DLG2: variants seen among roughly 807,000 people sequenced by gnomAD.
DLG2 encodes the protein discs large MAGUK scaffold protein 2, also known as disks large homolog 2.
Under a neutral mutation model 132.5 loss-of-function variants are expected in DLG2, and 45 were observed. The ratio of observed to expected loss-of-function variants is 0.34; its 90% CI spans 0.27 to 0.44. The LOEUF (loss-of-function observed/expected upper bound fraction) is 0.44. Among genes scored for constraint, DLG2 ranks in the 20% least tolerant of loss-of-function variants. The probability of loss-of-function intolerance (pLI) is 1.00; values close to 1 mark genes in which losing one functional copy is unlikely to be tolerated. For synonymous variants in DLG2, 424 were observed against 419.6 expected (o/e 1.01, Z -0.13); for missense variants, 1,045 against 1,196.9 (o/e 0.87, Z 1.87).
chr11:83,645,458 A>G (rs1246712425), intron 18 of DLG2, among the ~76,000 whole-genome samples: 3 of 152,152 alleles, frequency 2.0e-5, no homozygotes, highest in Non-Finnish European at 2.9e-5. Flanking sequence ...GGTTGTATGA[A>G]ACATACACTA....
chr11:84,564,447 A>G (rs1167677463), intron 6 of DLG2, among the ~76,000 whole-genome samples: 1 of 152,184 alleles, frequency 6.6e-6, no homozygotes, highest in African/African-American at 2.4e-5. Flanking sequence ...CCGAGAATGT[A>G]CTATTCCCTT....
chr11:85,373,166 CT>C (rs1224737564), intron 3 of DLG2, among the ~76,000 whole-genome samples: 2 of 152,194 alleles, frequency 1.3e-5, no homozygotes, highest in East Asian at 1.9e-4. Context: ...AAGGGTAAAG[CT>C]TTTTTTAACC....
chr11:84,421,416 A>G (rs555267005), intron 7 of DLG2, among the ~76,000 whole-genome samples: 4 of 152,292 alleles, frequency 2.6e-5, no homozygotes, highest in South Asian at 2.1e-4. Context: ...GACCTTCTGA[A>G]TTTGAAACTC....
chr11:84,861,634 AAAAAAC>A lies in DLG2; in HGVS notation c.357+250021_357+250026del, dbSNP rs1387836884. 1.5e-3 allele frequency among the ~76,000 whole-genome samples: 113 copies of A among 73,524 alleles called. 6 individuals carry two copies. The highest frequency in any genetic ancestry group is 3.9e-3 in the African/African-American group (79 of 20,114). 48.2% of individuals were successfully genotyped at this position (73,524 alleles called of 152,430 possible). Reference sequence around the variant, plus strand: ...TCTACACAGCAAAAAAAAAAAAAAAAAAAAACAAAAAAAAAAACCTATCAGAGGGAA... The same window carrying A: ...TCTACACAGCAAAAAAAAAAAAAAAAAAAAAAAAAAACCTATCAGAGGGAA... On this transcript the variant is annotated intron_variant, in intron 6 of 27. Coordinates refer to ENST00000376104, the MANE Select transcript of DLG2 (RefSeq NM_001142699.3).
chr11:83,668,724 AACACATATATATGTGTATATAAAC>A (rs1566432135), intron 18 of DLG2, among the ~76,000 whole-genome samples: 31 of 9,132 alleles, frequency 3.4e-3, no homozygotes, highest in Admixed American at 0.025. Context: ...TGTGTATATA[AACACATATATATGTGTATATAAAC>A]ACACATATAT....
intron 3 of DLG2, among the ~76,000 whole-genome samples, chr11:85,371,802 G>T (rs952460534): frequency 6.6e-6 from 1 of 152,190 alleles, no homozygotes; most frequent in African/African-American, 2.4e-5. Flanking sequence ...GGTTTTAAAA[G>T]GTCTTATCCG....
intron 3 of DLG2, among the ~76,000 whole-genome samples, chr11:85,356,821 T>TAGATAGACAGACAGAC (rs1555076100): frequency 6.1e-5 from 7 of 115,100 alleles, no homozygotes; most frequent in African/African-American, 2.4e-4. Context: ...GATAGATAGA[T>TAGATAGACAGACAGAC]AGATAGAGAT....
chr11:83,538,793 G>C (rs1384877058), intron 20 of DLG2, among the ~76,000 whole-genome samples: 2 of 152,164 alleles, frequency 1.3e-5, no homozygotes, highest in African/African-American at 4.8e-5. Context: ...TCGCAGAGTA[G>C]CTGTGCCACA....
intron 3 of DLG2, among the ~76,000 whole-genome samples, chr11:85,423,831 A>T (rs1265067740): frequency 6.6e-6 from 1 of 152,166 alleles, no homozygotes; most frequent in Non-Finnish European, 1.5e-5. Flanking sequence ...AGCATGGCTG[A>T]GAACTTGCCC....
At position 85,106,169 on chromosome 11, in the gene DLG2, G is replaced by GT. The variant is rs964849457; in HGVS notation, c.357+5491dup. On this transcript the variant is annotated intron_variant, in intron 6 of 27. Coordinates refer to ENST00000376104, the MANE Select transcript of DLG2 (RefSeq NM_001142699.3). ...CCTCTGGTTTCTGTGAGAAGTGTCTGTTTTTACTGATTCCCATAAAAGAGA... is the reference window on the plus strand; with the variant it reads ...CCTCTGGTTTCTGTGAGAAGTGTCTGTTTTTTACTGATTCCCATAAAAGAGA... Among the ~76,000 whole-genome samples, 29 of 83,886 alleles carry GT rather than the reference G, an allele frequency of 3.5e-4. 1 individual carries two copies. Among genetic ancestry groups the GT allele is most frequent in the African/African-American group, 1.8e-3 (28 of 15,368 alleles). The allele number at this position is 83,886 out of a possible 152,430, so 55.0% of individuals were successfully genotyped here. A position where few individuals can be genotyped will look rare whatever the true frequency, so the allele number is the denominator to read the frequency against.
At chr11:84,093,253 A>G (rs1402634716) in intron 10 of DLG2, among the ~76,000 whole-genome samples, 1 of 152,144 alleles carries the variant, frequency 6.6e-6, no homozygotes, top group South Asian at 2.1e-4. Flanking sequence ...TTCCGAGCTC[A>G]TGTGGTTGTG....
In DLG2 at chr11:85,422,961, G is replaced by C. The variant is rs373784663; in HGVS notation, c.41-137596C>G. 1.8e-3 allele frequency among the ~76,000 whole-genome samples: 130 copies of C among 71,876 alleles called. No homozygotes were observed. In the Middle Eastern group the frequency reaches 0.028, roughly 16 times the overall value. 47.2% of individuals were successfully genotyped at this position (71,876 alleles called of 152,430 possible). ...TCAGGTAAATCAGGGATTTCTTCTT[G>C]GTTTGGGTCCATTTTTTTTGAGCTA... On this transcript the variant is annotated intron_variant, in intron 3 of 27. Transcript: ENST00000376104.
At chr11:84,805,223 T>G (rs780880175) in intron 6 of DLG2, among the ~76,000 whole-genome samples, 13 of 152,122 alleles carry the variant, frequency 8.5e-5, no homozygotes, top group Non-Finnish European at 1.6e-4. Context: ...TGAGGAGCCA[T>G]GCCCCCTTGA....
chr11:84,896,058 T>C (rs573695870), intron 6 of DLG2, among the ~76,000 whole-genome samples: 25 of 152,184 alleles, frequency 1.6e-4, no homozygotes, highest in African/African-American at 5.8e-4. Context: ...CAGAAAACAA[T>C]GAAATTAACA....
chr11:85,159,585 G>A (rs1182448039), intron 4 of DLG2, among the ~76,000 whole-genome samples: 2 of 152,212 alleles, frequency 1.3e-5, no homozygotes, highest in Non-Finnish European at 2.9e-5. Flanking sequence ...GGATCTTGGA[G>A]AAGGACAGTG....
intron 14 of DLG2, among the ~76,000 whole-genome samples, chr11:83,962,487 A>G (rs930503696): frequency 6.6e-6 from 1 of 151,972 alleles, no homozygotes; most frequent in African/African-American, 2.4e-5. Flanking sequence ...ACATTTCTTT[A>G]TTATTCATTT....
chr11:83,573,261 T>C (rs2096827771), intron 19 of DLG2, among the ~76,000 whole-genome samples: 1 of 152,176 alleles, frequency 6.6e-6, no homozygotes, highest in African/African-American at 2.4e-5. Context: ...ATGGTGATTA[T>C]AGTCTCCAAC....
chr11:83,904,648 T>C (rs2074277245), intron 15 of DLG2, among the ~76,000 whole-genome samples: 1 of 152,076 alleles, frequency 6.6e-6, no homozygotes, highest in African/African-American at 2.4e-5. Context: ...TGGAACTAGT[T>C]CTTTTGTTTA....
intron 3 of DLG2, among the ~76,000 whole-genome samples, chr11:85,349,179 G>A (rs576048684): frequency 6.6e-6 from 1 of 152,032 alleles, no homozygotes; most frequent in Non-Finnish European, 1.5e-5. Context: ...CAGACTGTTT[G>A]TAGATAAACA....
Sources: allele counts gnomAD v4.1 joint callset (sites outside exome capture counted in the v4.1 genomes callset), GRCh38; gene constraint gnomAD v4.1.1; transcripts MANE v1.5; gene names NCBI Gene and HGNC (gene_info 2026-07-23, HGNC 2026-07-21).